ATG4D: variants seen among roughly 807,000 people sequenced by gnomAD.
ATG4D encodes cysteine protease ATG4D.
In ATG4D, 51 loss-of-function variants were observed where a neutral mutation model predicts 55.2. The observed-to-expected ratio is 0.92, with a 90% confidence interval of 0.74 to 1.17. ATG4D has a LOEUF of 1.17. ATG4D is among the 50% of genes most tolerant of loss of function. ATG4D has a pLI of 0.00. For missense variants in ATG4D, 635 were observed against 649.6 expected (o/e 0.98, Z 0.25); for synonymous variants, 268 against 266.2 (o/e 1.01, Z -0.07).
chr19:10,552,749 G>A, intron 9 of ATG4D, 136 bp from the exon 10 acceptor site: 2 of 922,408 alleles, frequency 2.2e-6, no homozygotes, highest in Non-Finnish European at 3.2e-6. Context: ...AATCACTGTG[G>A]CCAGGGGATG....
In ATG4D at chr19:10,544,197, C is replaced by T. The variant is rs1213864280; in HGVS notation, c.107C>T (p.Pro36Leu). ...RRPRGPRGPD[P>L]NGLGPSGASG... ...CCGCGGGGTCCCAGAGGCCCAGACC[C>T]CAACGGCCTGGGGCCTTCCGGAGCC... The change falls in exon 1 of 10, where the codon CCC becomes CTC. Residue 36 changes from proline (P) to leucine (L), a missense_variant. Physicochemically the swap from Pro to Leu is moderately conservative, Grantham distance 98. Transcript: ENST00000309469. 6 of 1,249,362 alleles carry T rather than the reference C, an allele frequency of 4.8e-6. No homozygotes were observed. In the African/African-American group the frequency reaches 9.3e-5, roughly 19 times the overall value. The allele number at this position is 1,249,362 out of a possible 1,614,324, so 77.4% of individuals were successfully genotyped here.
Position 10,546,943 on chromosome 19 carries a change from G to T in ATG4D, c.598G>T (p.Ala200Ser). Residue 200 changes from alanine to serine, a missense_variant, in exon 4 of 10, where the codon GCC becomes TCC. Physicochemically the swap from Ala to Ser is moderately conservative, Grantham distance 99 (BLOSUM62 1). Coordinates refer to ENST00000309469, the MANE Select transcript of ATG4D (RefSeq NM_032885.6). Reference sequence around the variant, plus strand: ...TGCCCGCTGGATGCCCCCACGCTGGGCCCAGGGTGCCCCTGAGCTGGAGCA... The same window carrying T: ...TGCCCGCTGGATGCCCCCACGCTGGTCCCAGGGTGCCCCTGAGCTGGAGCA... ...GPARWMPPRW[A>S]QGAPELEQER... is the part of the protein sequence containing the mutation. 10 of 1,611,780 alleles carry T rather than the reference G, an allele frequency of 6.2e-6. No individual in the cohort carries two copies. Among genetic ancestry groups the T allele is most frequent in the Non-Finnish European group, 8.5e-6 (10 of 1,179,398 alleles).
At chr19:10,546,597 A>T (rs903298734) in intron 3 of ATG4D, among the ~76,000 whole-genome samples, 1 of 151,768 alleles carries the variant, frequency 6.6e-6, no homozygotes, top group African/African-American at 2.4e-5. Context: ...CAAGTGATCC[A>T]CCTGCCTTGG....
chr19:10,543,953 G>T lies in ATG4D; in HGVS notation c.-138G>T. 2.0e-6 allele frequency: 1 copy of T among 496,698 alleles called. No individual in the cohort carries two copies. The highest frequency in any genetic ancestry group is 3.1e-6 in the Non-Finnish European group (1 of 321,576). The allele number at this position is 496,698 out of a possible 1,614,324, so 30.8% of individuals were successfully genotyped here. A position where few individuals can be genotyped will look rare whatever the true frequency, so the allele number is the denominator to read the frequency against. On this transcript the variant is annotated 5_prime_UTR_variant, in exon 1 of 10. Transcript: ENST00000309469. ...GGCTGCGGTAGCAGCGGCGGCGGCT[G>T]TTGCCTGGCCCGGTACCCTGGGGAC... is the stretch of plus-strand genomic sequence containing the variant.
rs1915954777 is a variant in ATG4D, at chr19:10,544,152, G to T, written c.62G>T (p.Arg21Leu). The T allele has an allele frequency of 3.2e-6, 4 of 1,244,370 alleles. No homozygotes were observed. In the East Asian group the frequency reaches 1.3e-4, roughly 39 times the overall value. 77.1% of individuals were successfully genotyped at this position (1,244,370 alleles called of 1,614,324 possible). ...AGCAGCAGCCCGGAGGACGCGCGCC[G>T]CCGGCCCGAGGCCCGCAGGCCGCGG... The part of the protein sequence containing the change: ...YRSSSPEDAR[R>L]RPEARRPRGP... The change falls in exon 1 of 10, where the codon CGC becomes CTC. Residue 21 changes from arginine to leucine, a missense_variant. Physicochemically the swap from Arg to Leu is moderately radical, Grantham distance 102. Transcript: ENST00000309469.
At chr19:10,550,574 G>C in intron 6 of ATG4D, among the ~76,000 whole-genome samples, 1 of 152,026 alleles carries the variant, frequency 6.6e-6, no homozygotes, top group East Asian at 1.9e-4. Flanking sequence ...CCCCCACCTT[G>C]ACCTCATATC....
At chr19:10,549,386 G>A (rs544463378) in intron 6 of ATG4D, among the ~76,000 whole-genome samples, 1 of 152,106 alleles carries the variant, frequency 6.6e-6, no homozygotes, top group Non-Finnish European at 1.5e-5. Context: ...GCCTCCCAAA[G>A]TGCTGGGATA....
At chr19:10,552,579 C>G (rs1266718908) in intron 9 of ATG4D, among the ~76,000 whole-genome samples, 1 of 152,214 alleles carries the variant, frequency 6.6e-6, no homozygotes, top group African/African-American at 2.4e-5. Flanking sequence ...CTTGGCCCTG[C>G]TGTCCGACCA....
At position 10,552,037 on chromosome 19, in the gene ATG4D, C is replaced by T. The variant is rs779420420; in HGVS notation, c.1046-8C>T. 2 of 1,612,744 alleles carry T rather than the reference C, an allele frequency of 1.2e-6. No homozygotes were observed. The highest frequency in any genetic ancestry group is 1.1e-5 in the South Asian group (1 of 91,060). Reference sequence around the variant, plus strand: ...CCGCACCCCCACTCACACCTGCACCCCCTGCAGATGACTTCCTGCTGTACC... The same window carrying T: ...CCGCACCCCCACTCACACCTGCACCTCCTGCAGATGACTTCCTGCTGTACC... On this transcript the variant is annotated splice_polypyrimidine_tract_variant and splice_region_variant and intron_variant, in intron 7 of 9. Coordinates refer to ENST00000309469, the MANE Select transcript of ATG4D (RefSeq NM_032885.6).
In ATG4D at chr19:10,544,332, AG is replaced by A. The variant is rs761269727; in HGVS notation, c.235+12del. On this transcript the variant is annotated splice_region_variant and intron_variant, in intron 1 of 9. Transcript: ENST00000309469. ...TGGAACAACGTCAAGTACGGTGAGGAGGGGGCCCGGAGATCGTGGGGGTGTC... is the reference window on the plus strand; with the variant it reads ...TGGAACAACGTCAAGTACGGTGAGGAGGGGCCCGGAGATCGTGGGGGTGTC... 3.0e-6 allele frequency: 4 copies of A among 1,316,964 alleles called. No individual in the cohort carries two copies. The highest frequency in any genetic ancestry group is 2.0e-6 in the Non-Finnish European group (2 of 1,025,024). 81.6% of individuals were successfully genotyped at this position (1,316,964 alleles called of 1,614,324 possible).
intron 5 of ATG4D, among the ~76,000 whole-genome samples, chr19:10,548,653 G>A (rs1365001358): frequency 6.6e-6 from 1 of 152,084 alleles, no homozygotes; most frequent in Non-Finnish European, 1.5e-5. Context: ...TCTCCCTTCT[G>A]TATATACTTT....
chr19:10,547,629 A>G (rs1480542050), intron 5 of ATG4D, among the ~76,000 whole-genome samples: 17 of 144,758 alleles, frequency 1.2e-4, no homozygotes, highest in African/African-American at 4.0e-4. Context: ...TCCTGTCGAA[A>G]AAAAAAAAAA....
intron 6 of ATG4D, 94 bp downstream of exon 6, chr19:10,549,128 C>CT (rs35786570): frequency 0.13 from 134,995 of 1,009,416 alleles, 620 homozygotes; most frequent in African/African-American, 0.2. Context: ...GCCCTCATCA[C>CT]TTTTTTTTTT....
chr19:10,553,181 C>A lies in ATG4D; in HGVS notation c.*114C>A. 1.5e-6 allele frequency: 2 copies of A among 1,319,044 alleles called. No individual in the cohort carries two copies. The highest frequency in any genetic ancestry group is 2.5e-5 in the East Asian group (1 of 39,464). 81.7% of individuals were successfully genotyped at this position (1,319,044 alleles called of 1,614,324 possible). A position where few individuals can be genotyped will look rare whatever the true frequency, so the allele number is the denominator to read the frequency against. On this transcript the variant is annotated 3_prime_UTR_variant, in exon 10 of 10. Transcript: ENST00000309469. Reference sequence around the variant, plus strand: ...ATGGTACTTCCTGTTGTCAGCCCCTCAAGCCCAGCTGCAACCAGTCTGGGG... The same window carrying A: ...ATGGTACTTCCTGTTGTCAGCCCCTAAAGCCCAGCTGCAACCAGTCTGGGG...
Position 10,546,938 on chromosome 19 carries a change from G to A in ATG4D, c.593G>A (p.Arg198His), listed in dbSNP as rs565133715. Reference sequence around the variant, plus strand: ...GGGCCTGCCCGCTGGATGCCCCCACGCTGGGCCCAGGGTGCCCCTGAGCTG... The same window carrying A: ...GGGCCTGCCCGCTGGATGCCCCCACACTGGGCCCAGGGTGCCCCTGAGCTG... Reference protein sequence around the residue: ...YHGPARWMPPRWAQGAPELEQ... With the variant: ...YHGPARWMPPHWAQGAPELEQ... Residue 198 changes from arginine to histidine, a missense_variant, in exon 4 of 10, where the codon CGC (arginine) becomes CAC (histidine). Transcript: ENST00000309469. 4.5e-5 allele frequency: 73 copies of A among 1,612,042 alleles called. 1 individual carries two copies. Among genetic ancestry groups the A allele is most frequent in the South Asian group, 3.7e-4 (34 of 90,938 alleles).
chr19:10,552,448 C>A, intron 9 of ATG4D, 124 bp downstream of exon 9: 1 of 1,302,232 alleles, frequency 7.7e-7, no homozygotes, highest in Non-Finnish European at 1.0e-6. Context: ...GGGTCCTAAC[C>A]TGGGAAATGT....
rs772274575 is a variant in ATG4D at position 10,545,171 on chromosome 19, T to C, written c.493+41T>C. The C allele has an allele frequency of 3.1e-6, 5 of 1,592,518 alleles. No homozygotes were observed. In the Admixed American group the frequency reaches 8.6e-5, roughly 27 times the overall value. ...GAAGGGGTGCACTAGGAGTACAGGG[T>C]CAACTGCCATATCAGCAGTATTAGA... On this transcript the variant is annotated intron_variant, in intron 3 of 9. Transcript: ENST00000309469.
In ATG4D at chr19:10,553,366, G is replaced by GCC. The variant is rs144460885; in HGVS notation, c.*303_*304dup. ...ACGCCCGGGCCCTCCCTGTCCCAAA[G>GCC]CCCCCTTGGGGGAACTGTGGCTGCT... On this transcript the variant is annotated 3_prime_UTR_variant, in exon 10 of 10. Coordinates refer to ENST00000309469, the MANE Select transcript of ATG4D (RefSeq NM_032885.6). 5 of 314,404 alleles carry GCC rather than the reference G, an allele frequency of 1.6e-5. No homozygotes were observed. Among genetic ancestry groups the GCC allele is most frequent in the African/African-American group, 1.0e-4 (5 of 47,900 alleles). The allele number at this position is 314,404 out of a possible 1,614,324, so 19.5% of individuals were successfully genotyped here.
intron 7 of ATG4D, 31 bp downstream of exon 7, chr19:10,552,006 C>G: frequency 6.2e-7 from 1 of 1,601,460 alleles, no homozygotes. Context: ...CTCCTCCCAC[C>G]CCCCACCGCA....
Sources: allele counts gnomAD v4.1 joint callset (sites outside exome capture counted in the v4.1 genomes callset), GRCh38; gene constraint gnomAD v4.1.1; transcripts MANE v1.5; gene names NCBI Gene and HGNC (gene_info 2026-07-23, HGNC 2026-07-21).